Variants in POLR2B observed in about 807,000 individuals in gnomAD.
POLR2B encodes the protein DNA-directed RNA polymerase II subunit RPB2.
In POLR2B, 57 loss-of-function variants were observed where a neutral mutation model predicts 144.6. The ratio of observed to expected loss-of-function variants is 0.39; its 90% CI spans 0.32 to 0.49. POLR2B has a LOEUF of 0.49. POLR2B is among the 20% of genes least tolerant of loss of function. POLR2B has a pLI of 0.83. For synonymous variants in POLR2B, 442 were observed against 469.8 expected, an observed-to-expected ratio of 0.94 and a Z score of 0.77; for missense variants, 595 against 1,467.4, an observed-to-expected ratio of 0.41 and a Z score of 9.71.
chr4:57,030,303 A>C lies in POLR2B; in HGVS notation c.3339A>C (p.Pro1113=). The part of the protein sequence containing the change: ...LRERLFEASD[P]YQVHVCNLCG... ...AAAGATTGTTTGAGGCATCAGATCC[A>C]TATCAGGTTCATGTTTGCAATCTTT... The change falls in exon 24 of 25, where the codon CCA becomes CCC. Residue 1113 remains proline (P), a synonymous_variant. Transcript: ENST00000314595. The C allele has an allele frequency of 1.2e-6, 2 of 1,614,110 alleles. No homozygotes were observed. The highest frequency in any genetic ancestry group is 1.7e-6 in the Non-Finnish European group (2 of 1,179,920).
Position 57,017,264 on chromosome 4 carries a change from T to C in POLR2B, c.2154+23T>C. 1 of 1,537,580 alleles carries C rather than the reference T, an allele frequency of 6.5e-7. No individual in the cohort carries two copies. Among genetic ancestry groups the C allele is most frequent in the Non-Finnish European group, 9.0e-7 (1 of 1,115,852 alleles). On this transcript the variant is annotated intron_variant, in intron 15 of 24. Coordinates refer to ENST00000314595, the MANE Select transcript of POLR2B (RefSeq NM_000938.3). The surrounding 1 kb of genome is among the most constrained non-coding windows in gnomAD (Gnocchi z 4.8). ...CAGGTTGGTATCACTTTTTGTCTTC[T>C]GGTGTGAGGAATTGGGAGAAGTAAT... is the stretch of plus-strand genomic sequence containing the variant.
At chr4:57,019,835 G>T (rs1179855163) in intron 16 of POLR2B, among the ~76,000 whole-genome samples, 4 of 150,538 alleles carry the variant, frequency 2.7e-5, no homozygotes, top group Non-Finnish European at 4.4e-5. Context: ...ATGGGTCTAG[G>T]AGCTAATCCA....
intron 13 of POLR2B, 35 bp from the exon 14 acceptor site, chr4:57,015,467 A>C: frequency 8.3e-7 from 1 of 1,198,212 alleles, no homozygotes; most frequent in Non-Finnish European, 1.1e-6. Flanking sequence ...GAGAAAATAA[A>C]AATTTGTGGA....
rs767618142 is a variant in POLR2B at position 57,017,640 on chromosome 4, C to T, written c.2235C>T (p.Asp745=). 3.7e-6 allele frequency: 6 copies of T among 1,611,274 alleles called. No homozygotes were observed. The change falls in exon 16 of 25, where the codon GAC becomes GAT. Residue 745 remains aspartate (D), a synonymous_variant. Transcript: ENST00000314595. This position sits in a 1 kb window ranked among gnomAD's most constrained non-coding sequence, Gnocchi z 4.8. ...VYITNFHVRM[D]TLAHVLYYPQ... ...TCACCAACTTCCATGTTCGCATGGA[C>T]ACATTGGCCCATGTTCTCTATTATC... is the stretch of plus-strand genomic sequence containing the variant.
In POLR2B at chr4:56,986,795, A is replaced by G. The variant is rs77478118; in HGVS notation, c.92+369A>G. Reference sequence around the variant, plus strand: ...GGTGATAGAGTGAGACCCTGTTTCCAAAAAAAAAAAAGAATAACTGCAGAC... The same window carrying G: ...GGTGATAGAGTGAGACCCTGTTTCCGAAAAAAAAAAAGAATAACTGCAGAC... On this transcript the variant is annotated intron_variant, in intron 2 of 24. Coordinates refer to ENST00000314595, the MANE Select transcript of POLR2B (RefSeq NM_000938.3). 1.7e-4 allele frequency: 22 copies of G among 132,104 alleles called. No homozygotes were observed. The East Asian group carries it at 3.9e-3, about 24-fold the overall frequency. 8.2% of individuals were successfully genotyped at this position (132,104 alleles called of 1,614,324 possible).
In POLR2B at chr4:56,978,909, C is replaced by G; in HGVS notation, c.-77C>G. ...GAGACGGAAGTTACTTCGTCTTTAGCTCCTGGCGCTGCTGGCTTCTGGGCG... is the reference window on the plus strand; with the variant it reads ...GAGACGGAAGTTACTTCGTCTTTAGGTCCTGGCGCTGCTGGCTTCTGGGCG... On this transcript the variant is annotated 5_prime_UTR_variant, in exon 1 of 25. Transcript: ENST00000314595. The G allele has an allele frequency of 7.2e-7, 1 of 1,386,606 alleles. No individual in the cohort carries two copies. The allele number at this position is 1,386,606 out of a possible 1,614,324, so 85.9% of individuals were successfully genotyped here.
At chr4:57,002,951 T>C (rs1722900181) in intron 7 of POLR2B, among the ~76,000 whole-genome samples, 1 of 152,212 alleles carries the variant, frequency 6.6e-6, no homozygotes, top group Non-Finnish European at 1.5e-5. Flanking sequence ...AGTTGTCAAA[T>C]GTTACCCTTC....
At position 57,011,821 on chromosome 4, in the gene POLR2B, C is replaced by CA. The variant is rs534810035; in HGVS notation, c.1800+728dup. On this transcript the variant is annotated intron_variant, in intron 13 of 24. Transcript: ENST00000314595. ...CTGGCGACAGAGCGAGACTCCATCT[C>CA]AAAAAAAGAAGTTATTGCTTGCCTT... Among the ~76,000 whole-genome samples the CA allele has an allele frequency of 1.2e-3, 183 of 152,104 alleles. 3 individuals are homozygous for CA. In the East Asian group the frequency reaches 0.013, roughly 11 times the overall value.
chr4:57,017,061 C>A lies in POLR2B; in HGVS notation c.1974C>A (p.Ala658=). Residue 658 remains alanine (A), a synonymous_variant, in exon 15 of 25, where the codon GCC becomes GCA. Transcript: ENST00000314595. This position sits in a 1 kb window ranked among gnomAD's most constrained non-coding sequence, Gnocchi z 4.8. ...YNNYSWQDLV[A]SGVVEYIDTL... ...TTTTTAGTTGGCAGGATCTTGTGGC[C>A]AGTGGGGTAGTGGAGTATATTGATA... The A allele has an allele frequency of 6.3e-7, 1 of 1,585,856 alleles. No individual in the cohort carries two copies. The highest frequency in any genetic ancestry group is 2.3e-5 in the East Asian group (1 of 43,590).
chr4:57,013,415 T>A (rs1019130714), intron 13 of POLR2B, among the ~76,000 whole-genome samples: 21 of 152,140 alleles, frequency 1.4e-4, no homozygotes, highest in African/African-American at 4.8e-4. Context: ...CTGTATTTTT[T>A]AATAGAGAGA....
rs768950128 is a variant in POLR2B, at chr4:57,023,539, G to A, written c.2725G>A (p.Val909Ile). 24 of 1,613,842 alleles carry A rather than the reference G, an allele frequency of 1.5e-5. No homozygotes were observed. Among genetic ancestry groups the A allele is most frequent in the East Asian group, 1.3e-4 (6 of 44,888 alleles). Residue 909 changes from valine (V) to isoleucine (I), a missense_variant, in exon 19 of 25, where the codon GTA becomes ATA. Physicochemically the swap from Val to Ile is conservative, Grantham distance 29 (BLOSUM62 3). Around this residue, in one of 9 missense-constraint regions of POLR2B, gnomAD observed 65 missense variants for 282.8 expected, o/e 0.23. Coordinates refer to ENST00000314595, the MANE Select transcript of POLR2B (RefSeq NM_000938.3). The surrounding 1 kb of genome is among the most constrained non-coding windows in gnomAD (Gnocchi z 4.3). ...GACGGGCATTGTGGATCAGGTTATG[G>A]TAACTCTCAATCAGGAAGGATATAA... is the stretch of plus-strand genomic sequence containing the variant. ...SETGIVDQVM[V>I]TLNQEGYKFC...
chr4:57,022,652 C>T (rs1723591912), intron 18 of POLR2B, among the ~76,000 whole-genome samples: 1 of 152,178 alleles, frequency 6.6e-6, no homozygotes, highest in Admixed American at 6.5e-5. Flanking sequence ...GGATACCTAG[C>T]ATTTGTTGTT....
Position 57,005,592 on chromosome 4 carries a change from T to TC in POLR2B, c.1098-8_1098-7insC. ...CCTCTTTCTTTCTTTCTTTTTTTTT[T>TC]TTTAAAGATACATGGTTCATAGGTT... On this transcript the variant is annotated splice_region_variant and splice_polypyrimidine_tract_variant and intron_variant, in intron 8 of 24. Transcript: ENST00000314595. 6.4e-7 allele frequency: 1 copy of TC among 1,564,774 alleles called. No individual in the cohort carries two copies. Among genetic ancestry groups the TC allele is most frequent in the South Asian group, 1.2e-5 (1 of 82,378 alleles).
At chr4:56,986,150 A>C (rs1326731217) in intron 1 of POLR2B, 2 of 565,054 alleles carry the variant, frequency 3.5e-6, no homozygotes, top group African/African-American at 3.8e-5. Context: ...CTTTCTAATA[A>C]ACCTCTTTTT....
chr4:57,004,080 G>A (rs1722936518), intron 7 of POLR2B, among the ~76,000 whole-genome samples: 2 of 134,270 alleles, frequency 1.5e-5, no homozygotes, highest in Non-Finnish European at 1.5e-5. Context: ...AAGATGGAGT[G>A]CAGTGTCATG....
chr4:56,979,659 C>G (rs1722093070), intron 1 of POLR2B, among the ~76,000 whole-genome samples: 1 of 152,066 alleles, frequency 6.6e-6, no homozygotes, highest in Non-Finnish European at 1.5e-5. Context: ...CGGTGGCTCC[C>G]GTCAGCACTT....
At chr4:56,980,145 C>G (rs1223164648) in intron 1 of POLR2B, among the ~76,000 whole-genome samples, 3 of 148,888 alleles carry the variant, frequency 2.0e-5, no homozygotes, top group Non-Finnish European at 4.4e-5. Flanking sequence ...AGGCTGGTCT[C>G]AAACTCCTGA....
chr4:57,022,418 A>G (rs1054665402), intron 18 of POLR2B, among the ~76,000 whole-genome samples, 172 bp downstream of exon 18: 3 of 150,286 alleles, frequency 2.0e-5, no homozygotes, highest in Non-Finnish European at 4.4e-5. Flanking sequence ...CTAAGAAAAC[A>G]TGTGTATTTG....
At chr4:56,988,273 C>T (rs1722392319) in intron 2 of POLR2B, among the ~76,000 whole-genome samples, 1 of 151,884 alleles carries the variant, frequency 6.6e-6, no homozygotes, top group South Asian at 2.1e-4. Flanking sequence ...GAGGAAGATA[C>T]AGCTTTCAAG....
Sources: allele counts gnomAD v4.1 joint callset (sites outside exome capture counted in the v4.1 genomes callset), GRCh38; gene constraint gnomAD v4.1.1; regional missense constraint gnomAD v4.1.1; non-coding constraint Gnocchi (gnomAD v3.1); transcripts MANE v1.5; gene names NCBI Gene and HGNC (gene_info 2026-07-23, HGNC 2026-07-21).